TIAM1: variants seen among roughly 807,000 people sequenced by gnomAD.
The protein encoded by TIAM1 is rho guanine nucleotide exchange factor TIAM1.
A neutral mutation model predicts 163.5 loss-of-function variants in TIAM1; 65 were observed. The ratio of observed to expected loss-of-function variants is 0.40; its 90% CI spans 0.33 to 0.49. The LOEUF (loss-of-function observed/expected upper bound fraction) is 0.49. Ranked by LOEUF, TIAM1 falls within the 20% of genes least tolerant of loss-of-function variation. The pLI, the probability that TIAM1 is intolerant of heterozygous loss-of-function variation, is 0.77. For missense variants in TIAM1, 1,789 were observed against 2,044.7 expected (o/e 0.87, Z 2.41); for synonymous variants, 833 against 810.1 (o/e 1.03, Z -0.48).
chr21:31,439,501 G>T (rs187493843), intron 2 of TIAM1, among the ~76,000 whole-genome samples: 2 of 152,272 alleles, frequency 1.3e-5, no homozygotes, highest in African/African-American at 4.8e-5. Context: ...TGTTGGCCAG[G>T]CTGGTCTTGA....
At position 31,266,443 on chromosome 21, in the gene TIAM1, C is replaced by A; in HGVS notation, c.530G>T (p.Arg177Leu). 6.2e-7 allele frequency: 1 copy of A among 1,614,198 alleles called. No individual in the cohort carries two copies. ...KKRSKSADIW[R>L]EDSLEFSLSD... ...GAGTGAGAATTCCAGGCTGTCCTCC[C>A]GCCAGATGTCTGCAGATTTGGAGCG... Residue 177 changes from arginine (R) to leucine (L), a missense_variant, in exon 4 of 28, where the codon CGG becomes CTG. Arg to Leu is a moderately radical substitution (Grantham distance 102). Transcript: ENST00000541036.
intron 23 of TIAM1, among the ~76,000 whole-genome samples, chr21:31,132,798 C>A (rs1039150455): frequency 1.3e-5 from 2 of 152,156 alleles, no homozygotes; most frequent in Non-Finnish European, 2.9e-5. Context: ...TTGATGATCT[C>A]CAAAACTCAT....
chr21:31,186,880 G>A (rs2085330574), intron 14 of TIAM1, 121 bp downstream of exon 14: 1 of 842,164 alleles, frequency 1.2e-6, no homozygotes, highest in Non-Finnish European at 1.9e-6. Flanking sequence ...GGTTTTCAAT[G>A]AGAAAATGTT....
chr21:31,356,012 G>A (rs528798073), intron 2 of TIAM1, among the ~76,000 whole-genome samples: 1 of 152,228 alleles, frequency 6.6e-6, no homozygotes, highest in East Asian at 1.9e-4. Flanking sequence ...ATACGTGGTA[G>A]ACTCTCAACA....
intron 2 of TIAM1, among the ~76,000 whole-genome samples, chr21:31,285,599 T>C (rs1601826636): frequency 6.6e-6 from 1 of 152,100 alleles, no homozygotes; most frequent in South Asian, 2.1e-4. Flanking sequence ...GTGGCTCACA[T>C]CTGTAATCCC....
intron 2 of TIAM1, among the ~76,000 whole-genome samples, chr21:31,293,270 A>G (rs2074102625): frequency 6.6e-6 from 1 of 152,116 alleles, no homozygotes; most frequent in African/African-American, 2.4e-5. Flanking sequence ...CTTCTCGGGG[A>G]CCTCAGTCTT....
intron 2 of TIAM1, among the ~76,000 whole-genome samples, chr21:31,361,654 T>A (rs553898155): frequency 1.2e-4 from 19 of 152,326 alleles, no homozygotes; most frequent in Non-Finnish European, 2.5e-4. Flanking sequence ...ATTTTGGCTA[T>A]AGATATAAAA....
At chr21:31,390,542 T>C (rs2076950257) in intron 2 of TIAM1, among the ~76,000 whole-genome samples, 1 of 152,142 alleles carries the variant, frequency 6.6e-6, no homozygotes, top group Non-Finnish European at 1.5e-5. Flanking sequence ...TCACAGATGT[T>C]ATGAGCAGGA....
intron 2 of TIAM1, among the ~76,000 whole-genome samples, chr21:31,404,453 A>C (rs1027861017): frequency 6.6e-6 from 1 of 152,082 alleles, no homozygotes; most frequent in Non-Finnish European, 1.5e-5. Flanking sequence ...TCATCAAAAA[A>C]CACTGGTCAA....
intron 5 of TIAM1, among the ~76,000 whole-genome samples, chr21:31,245,937 T>G (rs1339940482): frequency 6.6e-6 from 1 of 152,156 alleles, no homozygotes; most frequent in Non-Finnish European, 1.5e-5. Flanking sequence ...GAATGATTCA[T>G]TACAGGTCTC....
chr21:31,473,613 A>G (rs1205789169), intron 1 of TIAM1, among the ~76,000 whole-genome samples: 1 of 151,770 alleles, frequency 6.6e-6, no homozygotes, highest in African/African-American at 2.4e-5. Flanking sequence ...CGTCAGTCTG[A>G]GGGCCTCATG....
rs1263227321 is a variant in TIAM1, at chr21:31,154,990, GA to G, written c.2992-565del. On this transcript the variant is annotated intron_variant, in intron 16 of 27. Transcript: ENST00000541036. ...ACACTGAGTCAACTTTCTAGATTAA[GA>G]AAGATACCCATACTTAAATAAAAGT... is the stretch of plus-strand genomic sequence containing the variant. Among the ~76,000 whole-genome samples, 5 of 152,286 alleles carry G rather than the reference GA, an allele frequency of 3.3e-5. No homozygotes were observed. In the East Asian group the frequency reaches 9.6e-4, roughly 29 times the overall value.
At position 31,266,553 on chromosome 21, in the gene TIAM1, T is replaced by C. The variant is rs773186007; in HGVS notation, c.420A>G (p.Thr140=). 1 of 1,614,222 alleles carries C rather than the reference T, an allele frequency of 6.2e-7. No homozygotes were observed. The highest frequency in any genetic ancestry group is 1.1e-5 in the South Asian group (1 of 91,082). Residue 140 remains threonine (T), a synonymous_variant, in exon 4 of 28, where the codon ACA becomes ACG. Transcript: ENST00000541036. ...EESRLYGDDA[T]YLAEGGRRQH... ...GCCTCCTGCCTCCCTCAGCCAAATA[T>C]GTAGCGTCATCCCCGTAAAGCCTGC...
rs563284252 is a variant in TIAM1 at position 31,200,892 on chromosome 21, CCTT to C, written c.2493+2013_2493+2015del. 2.6e-3 allele frequency among the ~76,000 whole-genome samples: 392 copies of C among 152,266 alleles called. 1 individual carries two copies. The highest frequency in any genetic ancestry group is 9.0e-3 in the African/African-American group (376 of 41,548). On this transcript the variant is annotated intron_variant, in intron 12 of 27. Transcript: ENST00000541036. Reference sequence around the variant, plus strand: ...TCCTTACAGATCTATGGGCTGGAGACCTTCTGCAACAGGCCAAGAAATAATACC... The same window carrying C: ...TCCTTACAGATCTATGGGCTGGAGACCTGCAACAGGCCAAGAAATAATACC...
At chr21:31,548,657 T>C (rs1266419718) in intron 1 of TIAM1, among the ~76,000 whole-genome samples, 1 of 151,426 alleles carries the variant, frequency 6.6e-6, no homozygotes, top group Non-Finnish European at 1.5e-5. Context: ...CCAGCTAATT[T>C]TTGTATTTTT....
chr21:31,154,022 C>A (rs1568930661), intron 17 of TIAM1, among the ~76,000 whole-genome samples: 1 of 152,038 alleles, frequency 6.6e-6, no homozygotes, highest in Non-Finnish European at 1.5e-5. Flanking sequence ...TATGATCACA[C>A]CACTGTACTC....
intron 2 of TIAM1, among the ~76,000 whole-genome samples, chr21:31,352,733 G>C (rs1316410330): frequency 6.6e-6 from 1 of 151,800 alleles, no homozygotes; most frequent in Non-Finnish European, 1.5e-5. Flanking sequence ...ATATTAGCCA[G>C]GGATGGTAAC....
chr21:31,166,024 C>T (rs2084197856), intron 15 of TIAM1, among the ~76,000 whole-genome samples: 1 of 152,158 alleles, frequency 6.6e-6, no homozygotes, highest in South Asian at 2.1e-4. Flanking sequence ...GATCACTTTC[C>T]CCTGGGGTGC....
intron 2 of TIAM1, among the ~76,000 whole-genome samples, chr21:31,302,461 C>T (rs1180101295): frequency 5.3e-5 from 8 of 152,216 alleles, no homozygotes; most frequent in Admixed American, 5.2e-4. Flanking sequence ...ACCGCAACCC[C>T]TCATTCTCTT....
Sources: gnomAD v4.1 joint callset for allele counts (sites outside exome capture counted in the v4.1 genomes callset) on GRCh38, gnomAD v4.1.1 for gene constraint, MANE v1.5 for transcripts, NCBI Gene and HGNC (gene_info 2026-07-23, HGNC 2026-07-21) for gene names.